Variants in ANO4 observed in about 807,000 individuals in gnomAD.
ANO4 encodes anoctamin-4.
Under a neutral mutation model 141.9 loss-of-function variants are expected in ANO4, and 69 were observed. The observed-to-expected ratio is 0.49, with a 90% CI of 0.40 to 0.59. The LOEUF (loss-of-function observed/expected upper bound fraction) is 0.59. ANO4 is among the 20% of genes least tolerant of loss of function. The pLI, the probability that ANO4 is intolerant of heterozygous loss-of-function variation, is 0.00. For synonymous variants in ANO4, 350 were observed against 394.3 expected, an observed-to-expected ratio of 0.89 and a Z score of 1.33; for missense variants, 894 against 1,162.2, an observed-to-expected ratio of 0.77 and a Z score of 3.36.
chr12:100,989,792 TGG>T (rs1253316993), intron 8 of ANO4, among the ~76,000 whole-genome samples: 2 of 150,012 alleles, frequency 1.3e-5, no homozygotes, highest in African/African-American at 4.9e-5. Context: ...GATGGATGGA[TGG>T]ATGGATAGAT....
intron 1 of ANO4, among the ~76,000 whole-genome samples, chr12:100,886,324 T>C (rs987756577): frequency 6.6e-6 from 1 of 151,884 alleles, no homozygotes; most frequent in Non-Finnish European, 1.5e-5. Context: ...GTGAGTTTTC[T>C]TCAGGAATTC....
chr12:100,968,351 C>G (rs1403930936), intron 5 of ANO4, among the ~76,000 whole-genome samples: 1 of 152,048 alleles, frequency 6.6e-6, no homozygotes, highest in East Asian at 1.9e-4. Flanking sequence ...TGATTATTTT[C>G]CCACTAGATT....
At chr12:101,052,519 A>C in intron 14 of ANO4, among the ~76,000 whole-genome samples, 1 of 151,954 alleles carries the variant, frequency 6.6e-6, no homozygotes, top group East Asian at 1.9e-4. Context: ...TTTTACTTCT[A>C]GGATTGCCAA....
chr12:100,860,029 A>G (rs921237208), intron 1 of ANO4, among the ~76,000 whole-genome samples: 16 of 152,170 alleles, frequency 1.1e-4, no homozygotes, highest in Non-Finnish European at 2.1e-4. Flanking sequence ...ACCCCTTGGT[A>G]GCTACTGGGC....
intron 1 of ANO4, among the ~76,000 whole-genome samples, chr12:100,731,328 A>G (rs2031371544): frequency 6.6e-6 from 1 of 152,172 alleles, no homozygotes; most frequent in Non-Finnish European, 1.5e-5. Flanking sequence ...TTATTGTAAT[A>G]TTTTAAAATC....
intron 5 of ANO4, among the ~76,000 whole-genome samples, chr12:100,962,730 T>C (rs1001771474): frequency 1.2e-4 from 19 of 152,204 alleles, no homozygotes; most frequent in Non-Finnish European, 4.4e-5. Context: ...CACAACACAG[T>C]GGCTTATTTC....
At chr12:101,104,645 AT>A (rs2050358104) in intron 22 of ANO4, among the ~76,000 whole-genome samples, 2 of 62,840 alleles carry the variant, frequency 3.2e-5, no homozygotes, top group Admixed American at 3.3e-4. Context: ...ATATATATAT[AT>A]ATATATATAT....
chr12:100,725,806 C>A (rs369703096), intron 1 of ANO4, among the ~76,000 whole-genome samples: 1 of 152,156 alleles, frequency 6.6e-6, no homozygotes, highest in East Asian at 1.9e-4. Context: ...AAAACAATTG[C>A]TTCAGTAAAT....
At chr12:100,859,064 C>T (rs2038335219) in intron 1 of ANO4, 1 of 152,160 alleles carries the variant, frequency 6.6e-6, no homozygotes, top group South Asian at 2.1e-4. Context: ...TTTCACATTA[C>T]CATTTCTGTT....
chr12:100,892,673 TTAAA>T (rs1468276484), intron 1 of ANO4, among the ~76,000 whole-genome samples: 6 of 152,206 alleles, frequency 3.9e-5, no homozygotes, highest in Non-Finnish European at 8.8e-5. Flanking sequence ...TCCATATACT[TTAAA>T]TAATCTCTAG....
At chr12:101,025,510 G>T (rs1212963766) in intron 9 of ANO4, among the ~76,000 whole-genome samples, 2 of 152,202 alleles carry the variant, frequency 1.3e-5, no homozygotes, top group Non-Finnish European at 2.9e-5. Context: ...GATCTGTAGA[G>T]GGTCTCCCTC....
At chr12:101,063,778 T>TTTTTTTTTTTAA (rs2048456888) in intron 14 of ANO4, among the ~76,000 whole-genome samples, 1 of 126,428 alleles carries the variant, frequency 7.9e-6, no homozygotes, top group Non-Finnish European at 1.6e-5. Flanking sequence ...TTTTTTTTTT[T>TTTTTTTTTTTAA]GCCTTTGAAA....
chr12:100,951,530 G>T (rs891330358), intron 5 of ANO4, among the ~76,000 whole-genome samples: 4 of 152,204 alleles, frequency 2.6e-5, no homozygotes, highest in African/African-American at 9.6e-5. Context: ...CATGTTCTTT[G>T]TAGGGACATG....
intron 1 of ANO4, among the ~76,000 whole-genome samples, chr12:100,872,418 T>G (rs2039079800): frequency 6.6e-6 from 1 of 152,084 alleles, no homozygotes; most frequent in Admixed American, 6.6e-5. Flanking sequence ...TCTGACCAAT[T>G]CTCATATACC....
At chr12:100,769,059 A>G (rs920139790) in intron 3 of ANO4, among the ~76,000 whole-genome samples, 2 of 152,230 alleles carry the variant, frequency 1.3e-5, no homozygotes, top group Non-Finnish European at 2.9e-5. Flanking sequence ...CCAGGAAACA[A>G]CCAAAATACA....
At chr12:100,789,814 C>A (rs1225721198), upstream of ANO4, among the ~76,000 whole-genome samples, 1 of 152,168 alleles carries the variant, frequency 6.6e-6, no homozygotes, top group South Asian at 2.1e-4. Context: ...AAGATGGATT[C>A]ATTCTTTGTG....
intron 2 of ANO4, among the ~76,000 whole-genome samples, chr12:100,739,607 T>C (rs1373302774): frequency 6.6e-6 from 1 of 152,168 alleles, no homozygotes; most frequent in Non-Finnish European, 1.5e-5. Flanking sequence ...TCTTATTTCC[T>C]TTATTGATTG....
At chr12:101,116,013 A>G (rs1431699400) in intron 24 of ANO4, among the ~76,000 whole-genome samples, 1 of 152,218 alleles carries the variant, frequency 6.6e-6, no homozygotes, top group Non-Finnish European at 1.5e-5. Context: ...GTAATGGTGA[A>G]CTAAGTAAGT....
At chr12:100,732,361 G>A (rs2031413798) in intron 1 of ANO4, among the ~76,000 whole-genome samples, 1 of 151,672 alleles carries the variant, frequency 6.6e-6, no homozygotes, top group African/African-American at 2.4e-5. Flanking sequence ...TCTGCCATCT[G>A]TATCATCTTT....
Sources: gnomAD v4.1 joint callset for allele counts (sites outside exome capture counted in the v4.1 genomes callset) on GRCh38, gnomAD v4.1.1 for gene constraint, MANE v1.5 for transcripts, NCBI Gene and HGNC (gene_info 2026-07-23, HGNC 2026-07-21) for gene names.